VSTM2L: variants seen among roughly 807,000 people sequenced by gnomAD.
VSTM2L encodes V-set and transmembrane domain containing 2 like, also known as V-set and transmembrane domain-containing protein 2-like protein.
VSTM2L carries 9 observed loss-of-function variants against 19.9 expected under a neutral mutation model. That is an observed-to-expected ratio of 0.45 (90% confidence interval 0.27 to 0.79). The LOEUF is 0.79. Ranked by LOEUF, VSTM2L falls within the 30% of genes least tolerant of loss-of-function variation. VSTM2L has a pLI of 0.15. For missense variants in VSTM2L, 286 were observed against 295.5 expected (o/e 0.97, Z 0.24); for synonymous variants, 127 against 133.8 (o/e 0.95, Z 0.35).
chr20:37,919,174 C>CT (rs1337833132), intron 1 of VSTM2L, among the ~76,000 whole-genome samples: 2 of 152,188 alleles, frequency 1.3e-5, no homozygotes. Flanking sequence ...ACTTAAGCTC[C>CT]TACTGCACGC....
intron 1 of VSTM2L, among the ~76,000 whole-genome samples, chr20:37,914,705 G>A (rs2072807209): frequency 6.6e-6 from 1 of 152,154 alleles, no homozygotes; most frequent in Non-Finnish European, 1.5e-5. Context: ...CGCACGGCCC[G>A]CAGCAGGCAT....
Position 37,944,678 on chromosome 20 carries a change from A to G in VSTM2L, c.*425A>G. 1.0e-6 allele frequency: 1 copy of G among 1,000,222 alleles called. No homozygotes were observed. The highest frequency in any genetic ancestry group is 1.2e-6 in the Non-Finnish European group (1 of 840,542). The allele number at this position is 1,000,222 out of a possible 1,614,324, so 62.0% of individuals were successfully genotyped here. A position where few individuals can be genotyped will look rare whatever the true frequency, so the allele number is the denominator to read the frequency against. On this transcript the variant is annotated 3_prime_UTR_variant, in exon 4 of 4. Transcript: ENST00000373461. ...CCCTCACTTGGACCTGGGGGTGTGG[A>G]CAGTGACCCCTCCCTGAATATGGAC...
intron 1 of VSTM2L, among the ~76,000 whole-genome samples, chr20:37,913,640 G>A (rs1040967446): frequency 2.0e-5 from 3 of 152,344 alleles, no homozygotes; most frequent in African/African-American, 7.2e-5. Context: ...TCCTAGAGCA[G>A]TCAGGGGAGA....
At chr20:37,906,089 G>T (rs994678761) in intron 1 of VSTM2L, among the ~76,000 whole-genome samples, 2 of 151,844 alleles carry the variant, frequency 1.3e-5, no homozygotes, top group African/African-American at 4.8e-5. Context: ...TCCTGGGGAG[G>T]GGCACATTGA....
At position 37,944,514 on chromosome 20, in the gene VSTM2L, G is replaced by A. The variant is rs2072997000; in HGVS notation, c.*261G>A. 1 of 1,222,334 alleles carries A rather than the reference G, an allele frequency of 8.2e-7. No individual in the cohort carries two copies. Among genetic ancestry groups the A allele is most frequent in the Non-Finnish European group, 1.0e-6 (1 of 982,038 alleles). 75.7% of individuals were successfully genotyped at this position (1,222,334 alleles called of 1,614,324 possible). ...AGGGGCCAACCGCCCTGAACACTGG[G>A]GCAGGGACCATGCTGGGGCCCGGGG... On this transcript the variant is annotated 3_prime_UTR_variant, in exon 4 of 4. Transcript: ENST00000373461.
chr20:37,924,735 G>C (rs562681784), intron 1 of VSTM2L, among the ~76,000 whole-genome samples: 1 of 152,196 alleles, frequency 6.6e-6, no homozygotes, highest in East Asian at 1.9e-4. Context: ...CCAGTTTCTG[G>C]TGCTGGTGCA....
chr20:37,935,655 T>C (rs1218495860), intron 3 of VSTM2L, among the ~76,000 whole-genome samples: 1 of 152,154 alleles, frequency 6.6e-6, no homozygotes, highest in African/African-American at 2.4e-5. Flanking sequence ...ATTTCCCTGC[T>C]GGCTGTATTT....
In VSTM2L at chr20:37,903,206, TG is replaced by T; in HGVS notation, c.-142del. 9.2e-7 allele frequency: 1 copy of T among 1,089,028 alleles called. No individual in the cohort carries two copies. Among genetic ancestry groups the T allele is most frequent in the Non-Finnish European group, 1.2e-6 (1 of 864,994 alleles). The allele number at this position is 1,089,028 out of a possible 1,614,324, so 67.5% of individuals were successfully genotyped here. On this transcript the variant is annotated 5_prime_UTR_variant, in exon 1 of 4. Transcript: ENST00000373461. ...CCGGAGCCGGGCGAGGGCTGGGAGC[TG>T]GGCCGGGTCCGGGGACAGCGGGCGA... is the stretch of plus-strand genomic sequence containing the variant.
chr20:37,943,842 G>A (rs1323204630), intron 3 of VSTM2L, 139 bp from the exon 4 acceptor site: 3 of 895,850 alleles, frequency 3.3e-6, no homozygotes, highest in Non-Finnish European at 4.9e-6. Context: ...ACTCACTCTT[G>A]TGCAAACCTC....
intron 1 of VSTM2L, 112 bp from the exon 2 acceptor site, chr20:37,931,523 C>A: frequency 1.7e-5 from 19 of 1,131,134 alleles, no homozygotes; most frequent in Non-Finnish European, 2.1e-5. Flanking sequence ...CCCACCCCCT[C>A]CACCCATCCC....
chr20:37,927,708 G>T (rs114788093), intron 1 of VSTM2L, among the ~76,000 whole-genome samples: 2,574 of 152,252 alleles, frequency 0.017, 73 homozygotes, highest in African/African-American at 0.057. Flanking sequence ...TGGCAGGGGC[G>T]GGGGGGCCGT....
rs532411755 is a variant in VSTM2L, at chr20:37,907,234, T to C, written c.121+3763T>C. Among the ~76,000 whole-genome samples, 4 of 152,266 alleles carry C rather than the reference T, an allele frequency of 2.6e-5. No homozygotes were observed. The South Asian group carries it at 8.3e-4, about 32-fold the overall frequency. On this transcript the variant is annotated intron_variant, in intron 1 of 3. Transcript: ENST00000373461. ...TGATCCTTTTACCTCAGCCTCCGAG[T>C]AGCTGGGAGTGACAGGCATGTGCTA...
At chr20:37,933,421 G>T (rs1568841693) in intron 2 of VSTM2L, 118 bp from the exon 3 acceptor site, 3 of 824,944 alleles carry the variant, frequency 3.6e-6, no homozygotes, top group Non-Finnish European at 5.7e-6. Context: ...ATCTGCTGTC[G>T]TGAGAATCTT....
At chr20:37,910,019 G>A (rs2072771096) in intron 1 of VSTM2L, among the ~76,000 whole-genome samples, 1 of 152,116 alleles carries the variant, frequency 6.6e-6, no homozygotes, top group East Asian at 1.9e-4. Flanking sequence ...GCGTCCCTGG[G>A]ACTCAGCTCC....
intron 3 of VSTM2L, among the ~76,000 whole-genome samples, chr20:37,934,057 C>T (rs4811355): frequency 0.31 from 47,598 of 151,912 alleles, 7,679 homozygotes; most frequent in African/African-American, 0.36. Flanking sequence ...ACTCATTTGT[C>T]AATAGCCACA....
chr20:37,945,044 C>T lies in VSTM2L; in HGVS notation c.*791C>T, dbSNP rs967224432. On this transcript the variant is annotated 3_prime_UTR_variant, in exon 4 of 4. Coordinates refer to ENST00000373461, the MANE Select transcript of VSTM2L (RefSeq NM_080607.3). ...CCCCCTCTGCCGGCCCCCCAATGCCCCAGCTCCCTCTTGGGTCCTGTGCCA... is the reference window on the plus strand; with the variant it reads ...CCCCCTCTGCCGGCCCCCCAATGCCTCAGCTCCCTCTTGGGTCCTGTGCCA... The T allele has an allele frequency of 2.0e-6, 2 of 985,866 alleles. No individual in the cohort carries two copies. Among genetic ancestry groups the T allele is most frequent in the Non-Finnish European group, 2.4e-6 (2 of 829,966 alleles). The allele number at this position is 985,866 out of a possible 1,614,324, so 61.1% of individuals were successfully genotyped here. A position where few individuals can be genotyped will look rare whatever the true frequency, so the allele number is the denominator to read the frequency against.
At chr20:37,921,838 C>CA (rs1555840029) in intron 1 of VSTM2L, among the ~76,000 whole-genome samples, 8 of 91,784 alleles carry the variant, frequency 8.7e-5, no homozygotes, top group Non-Finnish European at 1.4e-4. Context: ...CTTTCTTTTC[C>CA]TTTTTTTTTT....
chr20:37,908,225 G>A (rs1033398383), intron 1 of VSTM2L, among the ~76,000 whole-genome samples: 4 of 152,188 alleles, frequency 2.6e-5, no homozygotes, highest in Admixed American at 2.0e-4. Flanking sequence ...CCAGCAGGAC[G>A]CAGGGAATTT....
chr20:37,929,022 CCCT>C (rs939441472), intron 1 of VSTM2L, among the ~76,000 whole-genome samples: 20 of 152,344 alleles, frequency 1.3e-4, no homozygotes, highest in African/African-American at 4.8e-4. Flanking sequence ...TTACAGGACA[CCCT>C]CCTCATGGCA....
Sources: gnomAD v4.1 joint callset for allele counts (sites outside exome capture counted in the v4.1 genomes callset) on GRCh38, gnomAD v4.1.1 for gene constraint, MANE v1.5 for transcripts, NCBI Gene and HGNC (gene_info 2026-07-23, HGNC 2026-07-21) for gene names.